ZSWIM5: variants seen among roughly 807,000 people sequenced by gnomAD.
ZSWIM5 encodes zinc finger SWIM domain-containing protein 5.
ZSWIM5 carries 55 observed loss-of-function variants against 119.6 expected under a neutral mutation model. That is an observed-to-expected ratio of 0.46 (90% CI 0.37 to 0.58). The LOEUF (loss-of-function observed/expected upper bound fraction) is 0.58. Ranked by LOEUF, ZSWIM5 falls within the 20% of genes least tolerant of loss-of-function variation. ZSWIM5 has a pLI of 0.00. For missense variants in ZSWIM5, 1,193 were observed against 1,512.8 expected (o/e 0.79, Z 3.51); for synonymous variants, 537 against 606.9 (o/e 0.88, Z 1.69).
At chr1:45,081,814 C>T (rs1335849583) in intron 2 of ZSWIM5, among the ~76,000 whole-genome samples, 2 of 152,114 alleles carry the variant, frequency 1.3e-5, no homozygotes, top group East Asian at 1.9e-4. Context: ...GCCACCACCC[C>T]GTCTGGGAGG....
intron 1 of ZSWIM5, among the ~76,000 whole-genome samples, chr1:45,195,532 TA>T (rs926548370): frequency 5.4e-5 from 8 of 148,682 alleles, no homozygotes; most frequent in Admixed American, 1.3e-4. Context: ...TGTGCCCAGT[TA>T]AAAAAAAAAT....
chr1:45,093,520 G>T (rs1383629683), intron 1 of ZSWIM5, among the ~76,000 whole-genome samples: 1 of 152,194 alleles, frequency 6.6e-6, no homozygotes, highest in Non-Finnish European at 1.5e-5. Flanking sequence ...AAATGTTTGG[G>T]CTCTGTCAGC....
At chr1:45,124,912 G>C (rs1645611382) in intron 1 of ZSWIM5, among the ~76,000 whole-genome samples, 1 of 152,172 alleles carries the variant, frequency 6.6e-6, no homozygotes, top group Non-Finnish European at 1.5e-5. Context: ...TCCTAAATTT[G>C]TATGAACCAA....
intron 1 of ZSWIM5, among the ~76,000 whole-genome samples, chr1:45,118,017 C>T (rs1645569377): frequency 6.6e-6 from 1 of 151,614 alleles, no homozygotes; most frequent in Admixed American, 6.6e-5. Flanking sequence ...TGCAGAGAGG[C>T]AGAGCTTGCA....
chr1:45,076,616 C>T (rs576757056), intron 2 of ZSWIM5, among the ~76,000 whole-genome samples: 2 of 152,218 alleles, frequency 1.3e-5, no homozygotes, highest in African/African-American at 4.8e-5. Context: ...CTATAACCTA[C>T]CTGTACTTGG....
chr1:45,031,169 A>ATTT (rs34390567), intron 11 of ZSWIM5, among the ~76,000 whole-genome samples: 1,293 of 61,678 alleles, frequency 0.021, 43 homozygotes, highest in East Asian at 0.031. Flanking sequence ...TTTTGCTCTG[A>ATTT]TTTTTTTTTT....
At chr1:45,042,492 A>C (rs1645022859) in intron 6 of ZSWIM5, among the ~76,000 whole-genome samples, 1 of 152,202 alleles carries the variant, frequency 6.6e-6, no homozygotes, top group Admixed American at 6.5e-5. Flanking sequence ...CTTTCAAGAG[A>C]GAGAGGGGCA....
chr1:45,043,284 G>A lies in ZSWIM5; in HGVS notation c.1544C>T (p.Ala515Val), dbSNP rs1242167746. The A allele has an allele frequency of 1.2e-6, 2 of 1,614,208 alleles. No individual in the cohort carries two copies. The highest frequency in any genetic ancestry group is 8.5e-7 in the Non-Finnish European group (1 of 1,180,034). The change falls in exon 6 of 14, where the codon GCT (alanine) becomes GTT (valine). Residue 515 changes from alanine (A) to valine (V), a missense_variant. This residue lies in a region of ZSWIM5 where 961 missense variants were observed against 1,290.0 expected (regional missense o/e 0.74). Coordinates refer to ENST00000359600, the MANE Select transcript of ZSWIM5 (RefSeq NM_020883.2). ...TTCACTTTCCCGCTGGCAGGCAGGA[G>A]CTGTATAAACATCACTGCTGATTAT... ...QRIISSDVYT[A>V]PACQRESERL...
In ZSWIM5 at chr1:45,182,466, G is replaced by A. The variant is rs528413741; in HGVS notation, c.595+23290C>T. On this transcript the variant is annotated intron_variant, in intron 1 of 13. Coordinates refer to ENST00000359600, the MANE Select transcript of ZSWIM5 (RefSeq NM_020883.2). ...GACACAGACTGGCAAATTGGATAAA[G>A]AGTCAAGACCCATCAGTGTGCTGTA... Among the ~76,000 whole-genome samples, 6 of 151,314 alleles carry A rather than the reference G, an allele frequency of 4.0e-5. No homozygotes were observed. In the East Asian group the frequency reaches 1.2e-3, roughly 29 times the overall value.
At chr1:45,152,062 T>A (rs1400564073) in intron 1 of ZSWIM5, among the ~76,000 whole-genome samples, 1 of 152,132 alleles carries the variant, frequency 6.6e-6, no homozygotes, top group Non-Finnish European at 1.5e-5. Context: ...GGCAACAATG[T>A]CTGGGGAGGT....
At chr1:45,058,165 A>T (rs1033030421) in intron 4 of ZSWIM5, among the ~76,000 whole-genome samples, 8 of 152,182 alleles carry the variant, frequency 5.3e-5, no homozygotes, top group East Asian at 1.9e-4. Flanking sequence ...ATGATATTTT[A>T]AAAAAAGTTA....
chr1:45,080,258 G>C (rs1381005985), intron 2 of ZSWIM5, among the ~76,000 whole-genome samples: 1 of 152,178 alleles, frequency 6.6e-6, no homozygotes, highest in Non-Finnish European at 1.5e-5. Context: ...TAAGGCCCCA[G>C]AGCACTTTAG....
chr1:45,064,462 G>C (rs2149002085), intron 2 of ZSWIM5, among the ~76,000 whole-genome samples: 1 of 152,180 alleles, frequency 6.6e-6, no homozygotes. Context: ...GCACCACATA[G>C]GCATATATTG....
intron 1 of ZSWIM5, among the ~76,000 whole-genome samples, chr1:45,177,960 C>T (rs1041131432): frequency 1.3e-5 from 2 of 150,986 alleles, no homozygotes; most frequent in Non-Finnish European, 3.0e-5. Flanking sequence ...GTCTCAAACT[C>T]CTGATCTCAG....
rs1454843957 is a variant in ZSWIM5, at chr1:45,072,797, C to A, written c.953-12550G>T. 6.6e-6 allele frequency among the ~76,000 whole-genome samples: 1 copy of A among 152,094 alleles called. No individual in the cohort carries two copies. Among genetic ancestry groups the A allele is most frequent in the African/African-American group, 2.4e-5 (1 of 41,362 alleles). On this transcript the variant is annotated intron_variant, in intron 2 of 13. Transcript: ENST00000359600. The surrounding 1 kb of genome is among the most constrained non-coding windows in gnomAD (Gnocchi z 4.1). ...ATTGGTCTGTGTGTCTATTTTATGA[C>A]AGTACCATGCTATTTTGGTTACTAT... is the stretch of plus-strand genomic sequence containing the variant.
chr1:45,161,342 T>C (rs7540567), intron 1 of ZSWIM5, among the ~76,000 whole-genome samples: 49 of 152,270 alleles, frequency 3.2e-4, no homozygotes, highest in African/African-American at 1.1e-3. Flanking sequence ...CTGTTTTCAA[T>C]AGTGGTTGTA....
intron 1 of ZSWIM5, among the ~76,000 whole-genome samples, chr1:45,183,528 A>C (rs1215031401): frequency 1.3e-5 from 2 of 152,214 alleles, no homozygotes; most frequent in Non-Finnish European, 2.9e-5. Context: ...AAAAAGAGAG[A>C]AGAATCAAAT....
chr1:45,027,662 A>G (rs6665903), intron 11 of ZSWIM5, among the ~76,000 whole-genome samples: 1,640 of 152,152 alleles, frequency 0.011, 30 homozygotes, highest in African/African-American at 0.038. Context: ...AAGTGCTGAG[A>G]TTATAGGCAT....
intron 1 of ZSWIM5, among the ~76,000 whole-genome samples, chr1:45,125,813 C>A (rs1203587069): frequency 2.0e-5 from 3 of 151,094 alleles, no homozygotes; most frequent in Admixed American, 6.6e-5. Flanking sequence ...TGCCTATAAT[C>A]CCAGCATTTT....
Sources: allele counts gnomAD v4.1 joint callset (sites outside exome capture counted in the v4.1 genomes callset), GRCh38; gene constraint gnomAD v4.1.1; regional missense constraint gnomAD v4.1.1; non-coding constraint Gnocchi (gnomAD v3.1); transcripts MANE v1.5; gene names NCBI Gene and HGNC (gene_info 2026-07-23, HGNC 2026-07-21).